Variants in CORIN observed in about 807,000 individuals in gnomAD.
CORIN encodes corin, serine peptidase, also known as atrial natriuretic peptide-converting enzyme.
CORIN carries 117 observed loss-of-function variants against 125.3 expected under a neutral mutation model. The observed-to-expected ratio is 0.93, with a 90% confidence interval of 0.80 to 1.09. The LOEUF (loss-of-function observed/expected upper bound fraction) is 1.09, where lower values mean the gene tolerates loss of function less well. Among genes scored for constraint, CORIN ranks in the 50% least tolerant of loss-of-function variants. The probability of loss-of-function intolerance (pLI) is 0.00; values close to 1 mark genes in which losing one functional copy is unlikely to be tolerated. For synonymous variants in CORIN, 450 were observed against 466.4 expected (o/e 0.96, Z 0.45); for missense variants, 1,253 against 1,306.7 (o/e 0.96, Z 0.63).
intron 12 of CORIN, among the ~76,000 whole-genome samples, chr4:47,654,661 C>T (rs1000110333): frequency 2.0e-5 from 3 of 152,190 alleles, no homozygotes; most frequent in Non-Finnish European, 2.9e-5. Context: ...TCCCAGTGGT[C>T]AGAATTTAAG....
chr4:47,636,342 T>A (rs1319348326), intron 16 of CORIN, among the ~76,000 whole-genome samples: 1 of 152,206 alleles, frequency 6.6e-6, no homozygotes, highest in Non-Finnish European at 1.5e-5. Flanking sequence ...AAATACCAGA[T>A]GTTTCAACTG....
At chr4:47,741,464 C>CAT (rs1369302850) in intron 5 of CORIN, among the ~76,000 whole-genome samples, 1 of 151,948 alleles carries the variant, frequency 6.6e-6, no homozygotes, top group African/African-American at 2.4e-5. Flanking sequence ...CTGGAGCCCT[C>CAT]ATACATTGTT....
chr4:47,820,969 G>A (rs1560564673), intron 1 of CORIN, among the ~76,000 whole-genome samples: 1 of 152,182 alleles, frequency 6.6e-6, no homozygotes, highest in Non-Finnish European at 1.5e-5. Context: ...GGGTGTGGTG[G>A]CTCACGCCTG....
intron 1 of CORIN, among the ~76,000 whole-genome samples, chr4:47,808,704 A>G (rs910188975): frequency 2.6e-5 from 4 of 152,248 alleles, no homozygotes; most frequent in African/African-American, 7.2e-5. Context: ...CTTCAAGAAG[A>G]CAATTGATCT....
At chr4:47,828,603 T>TC (rs1026744724) in intron 1 of CORIN, among the ~76,000 whole-genome samples, 10 of 152,146 alleles carry the variant, frequency 6.6e-5, no homozygotes, top group African/African-American at 2.4e-4. Context: ...CAAGATAATC[T>TC]CCCCATCTCA....
In CORIN at chr4:47,792,172, G is replaced by A. The variant is rs115014964; in HGVS notation, c.209-5247C>T. On this transcript the variant is annotated intron_variant, in intron 2 of 21. Transcript: ENST00000273857. ...GGAAGTGAAACATTTTCTAGATAAA[G>A]CCAAGGGAAAAACATATGAAAAGGC... Among the ~76,000 whole-genome samples the A allele has an allele frequency of 5.8e-3, 877 of 152,180 alleles. 8 individuals are homozygous for A. The highest frequency in any genetic ancestry group is 0.02 in the African/African-American group (820 of 41,524).
chr4:47,610,474 T>C (rs1040272850), intron 19 of CORIN, among the ~76,000 whole-genome samples: 3 of 152,128 alleles, frequency 2.0e-5, no homozygotes, highest in Non-Finnish European at 4.4e-5. Flanking sequence ...TAAATTTAAG[T>C]TCCTTATAGA....
At chr4:47,722,480 A>C (rs1487972085) in intron 5 of CORIN, among the ~76,000 whole-genome samples, 1 of 152,200 alleles carries the variant, frequency 6.6e-6, no homozygotes, top group Non-Finnish European at 1.5e-5. Context: ...CCTGGGTATA[A>C]AACATCTGGA....
At chr4:47,715,550 G>A (rs574235091) in intron 5 of CORIN, among the ~76,000 whole-genome samples, 1 of 152,164 alleles carries the variant, frequency 6.6e-6, no homozygotes, top group East Asian at 1.9e-4. Flanking sequence ...GGTGAGCTGA[G>A]ATCGTGCCAC....
intron 1 of CORIN, among the ~76,000 whole-genome samples, chr4:47,832,330 A>G (rs978184363): frequency 1.2e-4 from 19 of 152,236 alleles, no homozygotes; most frequent in African/African-American, 3.6e-4. Context: ...AGAGACCTCA[A>G]CAAACGGAAG....
chr4:47,833,019 T>C (rs1482841128), intron 1 of CORIN, among the ~76,000 whole-genome samples: 1 of 152,114 alleles, frequency 6.6e-6, no homozygotes, highest in Non-Finnish European at 1.5e-5. Flanking sequence ...GAAAGCTGCC[T>C]GTGGAAAAAG....
chr4:47,675,618 A>C (rs549515149), intron 9 of CORIN, among the ~76,000 whole-genome samples: 57 of 152,330 alleles, frequency 3.7e-4, no homozygotes, highest in African/African-American at 1.3e-3. Context: ...CTGAGCATTA[A>C]AACATAAAAG....
At chr4:47,735,534 A>G (rs556638293) in intron 5 of CORIN, among the ~76,000 whole-genome samples, 12 of 152,312 alleles carry the variant, frequency 7.9e-5, no homozygotes, top group Admixed American at 2.0e-4. Flanking sequence ...TTTTTCCAAG[A>G]TCATCAATCT....
chr4:47,807,737 A>G (rs1270833382), intron 1 of CORIN, among the ~76,000 whole-genome samples: 3 of 152,228 alleles, frequency 2.0e-5, no homozygotes, highest in Admixed American at 6.5e-5. Flanking sequence ...TTGTCTTCAA[A>G]TGCTTCAAAT....
At chr4:47,623,311 G>C (rs1234923584) in intron 19 of CORIN, among the ~76,000 whole-genome samples, 1 of 152,044 alleles carries the variant, frequency 6.6e-6, no homozygotes, top group Non-Finnish European at 1.5e-5. Context: ...TAGTAGCATA[G>C]AGTCAGTCTT....
intron 19 of CORIN, among the ~76,000 whole-genome samples, chr4:47,614,751 C>T (rs1211584985): frequency 6.6e-6 from 1 of 152,064 alleles, no homozygotes; most frequent in Admixed American, 6.6e-5. Flanking sequence ...CAAGAAGAGG[C>T]TGACTTGTCA....
At chr4:47,827,701 G>GT (rs903235979) in intron 1 of CORIN, among the ~76,000 whole-genome samples, 1 of 152,012 alleles carries the variant, frequency 6.6e-6, no homozygotes, top group Non-Finnish European at 1.5e-5. Flanking sequence ...TTTTTATTAT[G>GT]TTTTTTTAAA....
chr4:47,638,701 C>A (rs1723122586), intron 16 of CORIN, among the ~76,000 whole-genome samples: 1 of 152,178 alleles, frequency 6.6e-6, no homozygotes, highest in African/African-American at 2.4e-5. Context: ...CATTAAACCT[C>A]TTTTTCTTCC....
intron 5 of CORIN, among the ~76,000 whole-genome samples, chr4:47,720,478 T>C (rs1320885599): frequency 2.0e-5 from 3 of 152,160 alleles, no homozygotes; most frequent in Non-Finnish European, 2.9e-5. Flanking sequence ...AAAAGAAAAA[T>C]AGGAACATTC....
Sources: allele counts gnomAD v4.1 joint callset (sites outside exome capture counted in the v4.1 genomes callset), GRCh38; gene constraint gnomAD v4.1.1; transcripts MANE v1.5; gene names NCBI Gene and HGNC (gene_info 2026-07-23, HGNC 2026-07-21).